Variants in CHN2 observed in about 807,000 individuals in gnomAD.
CHN2 encodes beta-chimaerin.
In CHN2, 35 loss-of-function variants were observed where a neutral mutation model predicts 56.3. The ratio of observed to expected loss-of-function variants is 0.62; its 90% confidence interval spans 0.47 to 0.82. CHN2 has a LOEUF of 0.82. Ranked by LOEUF, CHN2 falls within the 40% of genes least tolerant of loss-of-function variation. CHN2 has a pLI of 0.00. For synonymous variants in CHN2, 210 were observed against 212.8 expected, an observed-to-expected ratio of 0.99 and a Z score of 0.12; for missense variants, 491 against 580.5, an observed-to-expected ratio of 0.85 and a Z score of 1.58.
chr7:29,148,474 C>G (rs1336104475), intron 2 of CHN2: 1 of 152,224 alleles, frequency 6.6e-6, no homozygotes, highest in Non-Finnish European at 1.5e-5. Flanking sequence ...TGTTGAATAA[C>G]ACGTTTTAAC....
intron 2 of CHN2, among the ~76,000 whole-genome samples, chr7:29,177,097 T>C (rs928163271): frequency 7.2e-5 from 11 of 152,250 alleles, no homozygotes; most frequent in African/African-American, 2.4e-4. Flanking sequence ...ATTTTTAGTT[T>C]AGTGAACATT....
At chr7:29,235,905 A>C (rs1416528310) in intron 1 of CHN2, among the ~76,000 whole-genome samples, 1 of 152,164 alleles carries the variant, frequency 6.6e-6, no homozygotes, top group South Asian at 2.1e-4. Context: ...TGGGAGGAGG[A>C]TGAGGATTCA....
chr7:29,218,493 C>T (rs1055453440), intron 1 of CHN2, among the ~76,000 whole-genome samples: 5 of 152,208 alleles, frequency 3.3e-5, no homozygotes, highest in Non-Finnish European at 7.4e-5. Flanking sequence ...GCTATAAAGA[C>T]ACATGCACAC....
chr7:29,473,470 G>GTTTTTTTTTTTTTT (rs765290417), intron 6 of CHN2, among the ~76,000 whole-genome samples: 2 of 93,510 alleles, frequency 2.1e-5, no homozygotes, highest in African/African-American at 1.0e-4. Context: ...GTGTGTTTGT[G>GTTTTTTTTTTTTTT]TTTTTTTTTT....
At chr7:29,189,824 C>T (rs1466049873), upstream of CHN2, among the ~76,000 whole-genome samples, 1 of 152,160 alleles carries the variant, frequency 6.6e-6, no homozygotes, top group Non-Finnish European at 1.5e-5. Flanking sequence ...AGGCAATACC[C>T]CCAAGCCCCC....
At chr7:29,294,402 AAAC>A (rs1286345421) in intron 1 of CHN2, among the ~76,000 whole-genome samples, 8 of 152,170 alleles carry the variant, frequency 5.3e-5, no homozygotes, top group African/African-American at 1.9e-4. Context: ...TTGGGGACAA[AAAC>A]AACAAATATT....
Position 29,367,929 on chromosome 7 carries a change from C to A in CHN2, c.89-3C>A. ...CTCTCTCTCTCTCTCTCTTTTTTGG[C>A]AGTATATCAGTTACAGCAAGAGGCA... is the stretch of plus-strand genomic sequence containing the variant. On this transcript the variant is annotated splice_polypyrimidine_tract_variant and splice_region_variant and intron_variant, in intron 2 of 12. Transcript: ENST00000222792. 1.2e-6 allele frequency: 2 copies of A among 1,606,478 alleles called. No homozygotes were observed. Among genetic ancestry groups the A allele is most frequent in the Non-Finnish European group, 1.7e-6 (2 of 1,176,930 alleles).
chr7:29,490,811 A>T (rs149549396), intron 7 of CHN2, among the ~76,000 whole-genome samples: 33 of 152,312 alleles, frequency 2.2e-4, no homozygotes, highest in African/African-American at 7.7e-4. Flanking sequence ...TATGTATGGT[A>T]TCAGTTTTTT....
Position 29,353,538 on chromosome 7 carries a change from C to T in CHN2, c.50-1087C>T, listed in dbSNP as rs1798046760. ...GGTGTGGTGGCGCACACCTGTAATCCAGCTACTCAGGAGACTGAGGCAGGA... is the reference window on the plus strand; with the variant it reads ...GGTGTGGTGGCGCACACCTGTAATCTAGCTACTCAGGAGACTGAGGCAGGA... On this transcript the variant is annotated intron_variant, in intron 1 of 12. Transcript: ENST00000222792. 2.6e-5 allele frequency among the ~76,000 whole-genome samples: 4 copies of T among 152,250 alleles called. No homozygotes were observed. The South Asian group carries it at 8.3e-4, about 32-fold the overall frequency.
At chr7:29,199,624 G>A (rs1297282812) in intron 1 of CHN2, 1 of 152,160 alleles carries the variant, frequency 6.6e-6, no homozygotes, top group East Asian at 1.9e-4. Flanking sequence ...AGGAGTACTA[G>A]TCCTTGTTGT....
At chr7:29,206,449 T>A (rs945929242) in intron 1 of CHN2, among the ~76,000 whole-genome samples, 1 of 152,016 alleles carries the variant, frequency 6.6e-6, no homozygotes, top group African/African-American at 2.4e-5. Context: ...ACCCAGCTAA[T>A]TTTTGTATTT....
chr7:29,253,168 G>A (rs1788774790), intron 1 of CHN2, among the ~76,000 whole-genome samples: 1 of 152,180 alleles, frequency 6.6e-6, no homozygotes, highest in Non-Finnish European at 1.5e-5. Flanking sequence ...ATAATAAGAT[G>A]TGCTGAGTTG....
intron 2 of CHN2, among the ~76,000 whole-genome samples, chr7:29,355,493 G>A (rs903275465): frequency 6.6e-6 from 1 of 152,074 alleles, no homozygotes; most frequent in Non-Finnish European, 1.5e-5. Flanking sequence ...GAAGGCAGGC[G>A]GCTATCATTG....
At chr7:29,507,453 TA>T in intron 11 of CHN2, 88 bp downstream of exon 11, 1 of 988,414 alleles carries the variant, frequency 1.0e-6, no homozygotes, top group Non-Finnish European at 1.5e-6. Flanking sequence ...CAGAACTGTT[TA>T]AATTATTGCA....
chr7:29,354,532 C>T (rs1327874835), intron 1 of CHN2, 93 bp from the exon 2 acceptor site: 3 of 1,122,774 alleles, frequency 2.7e-6, no homozygotes, highest in Non-Finnish European at 4.0e-6. Flanking sequence ...CATGCAAGTA[C>T]TGTGGACAGA....
chr7:29,476,233 A>G (rs1447114890), intron 6 of CHN2, among the ~76,000 whole-genome samples: 1 of 152,130 alleles, frequency 6.6e-6, no homozygotes, highest in African/African-American at 2.4e-5. Context: ...TAAATCTTAA[A>G]TGAGTCAAAA....
intron 1 of CHN2, among the ~76,000 whole-genome samples, chr7:29,288,476 C>T (rs58747256): frequency 6.6e-6 from 1 of 152,254 alleles, no homozygotes; most frequent in African/African-American, 2.4e-5. Context: ...TAGGGTTACT[C>T]CCATCTCTTT....
At position 29,304,071 on chromosome 7, in the gene CHN2, A is replaced by G. The variant is rs537331469; in HGVS notation, c.50-50554A>G. Among the ~76,000 whole-genome samples, 10 of 152,314 alleles carry G rather than the reference A, an allele frequency of 6.6e-5. No homozygotes were observed. The East Asian group carries it at 1.5e-3, about 23-fold the overall frequency. On this transcript the variant is annotated intron_variant, in intron 1 of 12. Transcript: ENST00000222792. The stretch of plus-strand genomic sequence containing the variant: ...TGAGACATCATCTCAAGAAAAAAAA[A>G]AAAAGTAGCAAAAGCAGTGTCTTTG...
At chr7:29,203,143 GA>G (rs1784281020) in intron 1 of CHN2, among the ~76,000 whole-genome samples, 1 of 152,162 alleles carries the variant, frequency 6.6e-6, no homozygotes, top group African/African-American at 2.4e-5. Context: ...CATAACCTTT[GA>G]AATATTGAAT....
Sources: gnomAD v4.1 joint callset for allele counts (sites outside exome capture counted in the v4.1 genomes callset) on GRCh38, gnomAD v4.1.1 for gene constraint, MANE v1.5 for transcripts, NCBI Gene and HGNC (gene_info 2026-07-23, HGNC 2026-07-21) for gene names.